AGBL4: variants seen among roughly 807,000 people sequenced by gnomAD.
The protein encoded by AGBL4 is AGBL carboxypeptidase 4.
In AGBL4, 58 loss-of-function variants were observed where a neutral mutation model predicts 66.4. The observed-to-expected ratio is 0.87, with a 90% CI of 0.71 to 1.09. The LOEUF (loss-of-function observed/expected upper bound fraction) is 1.09. AGBL4 is among the 50% of genes least tolerant of loss of function. The pLI, the probability that AGBL4 is intolerant of heterozygous loss-of-function variation, is 0.00. For missense variants in AGBL4, 579 were observed against 631.0 expected (o/e 0.92, Z 0.88); for synonymous variants, 234 against 222.9 (o/e 1.05, Z -0.44).
At chr1:49,218,546 G>A (rs367779869) in intron 4 of AGBL4, among the ~76,000 whole-genome samples, 1 of 53,628 alleles carries the variant, frequency 1.9e-5, no homozygotes, top group Non-Finnish European at 8.5e-5. Context: ...TCTAGCAAAA[G>A]TCTTTTGGGT....
chr1:48,841,554 C>T (rs1008536587), intron 6 of AGBL4, among the ~76,000 whole-genome samples: 4 of 151,926 alleles, frequency 2.6e-5, no homozygotes, highest in African/African-American at 9.7e-5. Context: ...AACAGCTCCC[C>T]GCCCTCCAAC....
At chr1:48,784,600 TAAA>T (rs1645368700) in intron 6 of AGBL4, among the ~76,000 whole-genome samples, 1 of 152,198 alleles carries the variant, frequency 6.6e-6, no homozygotes, top group Non-Finnish European at 1.5e-5. Context: ...AGAGAAGAAA[TAAA>T]AACTTCTATG....
chr1:49,183,609 T>C (rs774895686), intron 4 of AGBL4, among the ~76,000 whole-genome samples: 7 of 152,188 alleles, frequency 4.6e-5, no homozygotes, highest in Non-Finnish European at 8.8e-5. Flanking sequence ...GTCTTCATAC[T>C]TTAAGCTTTC....
intron 1 of AGBL4, among the ~76,000 whole-genome samples, chr1:49,905,555 T>C (rs986097392): frequency 1.3e-5 from 2 of 152,184 alleles, no homozygotes; most frequent in Non-Finnish European, 2.9e-5. Context: ...AGATGATACC[T>C]AAATATTTGG....
chr1:49,907,805 G>A (rs1250821576), intron 1 of AGBL4, among the ~76,000 whole-genome samples: 1 of 151,930 alleles, frequency 6.6e-6, no homozygotes, highest in Non-Finnish European at 1.5e-5. Context: ...TAATCCTAAT[G>A]TATGATAATA....
chr1:49,047,563 T>C (rs1433856311), intron 4 of AGBL4, among the ~76,000 whole-genome samples: 18 of 152,064 alleles, frequency 1.2e-4, no homozygotes, highest in Non-Finnish European at 8.8e-5. Context: ...TTATCAGTGA[T>C]GAGGTAGAGA....
chr1:49,630,107 T>A (rs1255146800), intron 3 of AGBL4, among the ~76,000 whole-genome samples: 1 of 152,148 alleles, frequency 6.6e-6, no homozygotes, highest in African/African-American at 2.4e-5. Context: ...CCAGCTGGTC[T>A]ATATTACTTC....
chr1:48,650,526 C>T (rs905966070), intron 8 of AGBL4, among the ~76,000 whole-genome samples: 1 of 151,900 alleles, frequency 6.6e-6, no homozygotes, highest in Admixed American at 6.6e-5. Context: ...CCTTCCCTCT[C>T]TCCCTCCCCC....
chr1:49,634,811 T>G (rs1276715641), intron 3 of AGBL4, among the ~76,000 whole-genome samples: 1 of 152,196 alleles, frequency 6.6e-6, no homozygotes, highest in Non-Finnish European at 1.5e-5. Flanking sequence ...TAAGATAAAT[T>G]TCTATATCCA....
intron 2 of AGBL4, among the ~76,000 whole-genome samples, chr1:49,818,355 GTTTTTGTTT>G (rs1248063980): frequency 7.3e-6 from 1 of 136,914 alleles, no homozygotes; most frequent in Non-Finnish European, 1.5e-5. Flanking sequence ...CTTTCTGTTT[GTTTTTGTTT>G]TTTTTGTTTT....
At chr1:48,775,512 C>T (rs1253090391) in intron 6 of AGBL4, among the ~76,000 whole-genome samples, 5 of 152,174 alleles carry the variant, frequency 3.3e-5, no homozygotes, top group Admixed American at 2.6e-4. Flanking sequence ...TGGTAGAAGG[C>T]AGGAACACTA....
At chr1:49,595,097 T>A (rs982635713) in intron 3 of AGBL4, among the ~76,000 whole-genome samples, 1 of 152,192 alleles carries the variant, frequency 6.6e-6, no homozygotes, top group Non-Finnish European at 1.5e-5. Context: ...ATTGTGGTTT[T>A]ATTTTTTTCT....
At chr1:49,516,144 A>G (rs1649802404) in intron 3 of AGBL4, among the ~76,000 whole-genome samples, 1 of 151,898 alleles carries the variant, frequency 6.6e-6, no homozygotes, top group Admixed American at 6.6e-5. Flanking sequence ...ATTAGGAGCT[A>G]GCTCTAGCCC....
chr1:48,778,174 TCCATCCAA>T (rs896779808), intron 6 of AGBL4, among the ~76,000 whole-genome samples: 1 of 150,634 alleles, frequency 6.6e-6, no homozygotes, highest in South Asian at 2.1e-4. Context: ...CATCCATCCA[TCCATCCAA>T]CCATCCATCC....
intron 1 of AGBL4, among the ~76,000 whole-genome samples, chr1:49,881,133 G>A (rs866172662): frequency 5.3e-5 from 8 of 152,256 alleles, no homozygotes; most frequent in Middle Eastern, 3.4e-3. Context: ...CGTCGCTCAC[G>A]CTGGGAGCTG....
chr1:49,738,275 G>A (rs1044320453), intron 2 of AGBL4, among the ~76,000 whole-genome samples: 12 of 152,208 alleles, frequency 7.9e-5, no homozygotes, highest in Admixed American at 2.6e-4. Flanking sequence ...TGCCTGGATC[G>A]GGGGTCCTAC....
chr1:48,559,402 A>G (rs1477736283), intron 11 of AGBL4, among the ~76,000 whole-genome samples: 3 of 152,188 alleles, frequency 2.0e-5, no homozygotes, highest in Non-Finnish European at 4.4e-5. Context: ...ACCAGACAAT[A>G]AGAAGAGGAT....
chr1:49,474,885 G>A (rs539630809), intron 3 of AGBL4, among the ~76,000 whole-genome samples: 1 of 152,106 alleles, frequency 6.6e-6, no homozygotes, highest in East Asian at 1.9e-4. Context: ...TTAGCAAAGA[G>A]AGAAAATCTG....
chr1:49,792,792 G>T (rs1644632621), intron 2 of AGBL4, among the ~76,000 whole-genome samples: 1 of 151,926 alleles, frequency 6.6e-6, no homozygotes, highest in Non-Finnish European at 1.5e-5. Flanking sequence ...CTGGCAAAAA[G>T]GTAAGAGGAA....
Sources: gnomAD v4.1 joint callset for allele counts (sites outside exome capture counted in the v4.1 genomes callset) on GRCh38, gnomAD v4.1.1 for gene constraint, MANE v1.5 for transcripts, NCBI Gene and HGNC (gene_info 2026-07-23, HGNC 2026-07-21) for gene names.